The following CRHR2 variants were observed in gnomAD, a reference collection of about 807,000 sequenced individuals.
The protein encoded by CRHR2 is corticotropin releasing hormone receptor 2.
A neutral mutation model predicts 57.9 loss-of-function variants in CRHR2; 53 were observed. The observed-to-expected ratio is 0.92, with a 90% CI of 0.73 to 1.15. CRHR2 has a LOEUF of 1.15. CRHR2 is among the 50% of genes most tolerant of loss of function. CRHR2 has a pLI of 0.00. For synonymous variants in CRHR2, 213 were observed against 220.9 expected (o/e 0.96, Z 0.32); for missense variants, 532 against 542.6 (o/e 0.98, Z 0.19).
At chr7:30,688,948 G>C (rs1327217864) in intron 2 of CRHR2, 1 of 617,856 alleles carries the variant, frequency 1.6e-6, no homozygotes. Context: ...TCCATCGTGG[G>C]AGCTGGGAAT....
chr7:30,685,535 T>G (rs895302416), upstream of CRHR2, among the ~76,000 whole-genome samples: 2 of 152,154 alleles, frequency 1.3e-5, no homozygotes, highest in African/African-American at 2.4e-5. Context: ...CTGAAGGTGC[T>G]GCACTTTTGC....
At chr7:30,685,989 C>T (rs1784848245), upstream of CRHR2, among the ~76,000 whole-genome samples, 1 of 152,082 alleles carries the variant, frequency 6.6e-6, no homozygotes. Context: ...GAAAGGCCCT[C>T]CAGAACAACA....
upstream of CRHR2, among the ~76,000 whole-genome samples, chr7:30,683,545 T>C (rs1231835857): frequency 6.6e-6 from 1 of 152,174 alleles, no homozygotes; most frequent in East Asian, 1.9e-4. Flanking sequence ...AAGCAGGGCC[T>C]GGGGTAAGGC....
At chr7:30,654,830 T>G (rs1461077013) in intron 11 of CRHR2, 4 of 1,541,762 alleles carry the variant, frequency 2.6e-6, no homozygotes, top group Non-Finnish European at 2.6e-6. Context: ...TGTGGGGTGC[T>G]GGCATGTTAT....
chr7:30,679,204 T>A (rs1784617998), intron 2 of CRHR2, among the ~76,000 whole-genome samples: 1 of 152,196 alleles, frequency 6.6e-6, no homozygotes, highest in Non-Finnish European at 1.5e-5. Flanking sequence ...GAGGGCTAAG[T>A]CCTCCCTGAT....
intron 2 of CRHR2, among the ~76,000 whole-genome samples, chr7:30,678,364 A>T (rs1006626991): frequency 1.3e-5 from 2 of 152,198 alleles, no homozygotes; most frequent in African/African-American, 4.8e-5. Flanking sequence ...AAATGAGTTA[A>T]ACCACAGTAC....
intron 1 of CRHR2, chr7:30,698,027 C>G (rs995124084): frequency 3.9e-5 from 6 of 152,472 alleles, no homozygotes; most frequent in African/African-American, 1.2e-4. Flanking sequence ...TCCTTAAACA[C>G]TGGATGAATA....
At chr7:30,664,979 G>A (rs898208128) in intron 5 of CRHR2, 91 bp downstream of exon 5, 14 of 1,000,294 alleles carry the variant, frequency 1.4e-5, no homozygotes, top group South Asian at 6.5e-5. Context: ...CCTGACAAAG[G>A]AGGGGTCCAA....
chr7:30,694,426 G>A (rs559750907), intron 1 of CRHR2, among the ~76,000 whole-genome samples: 163 of 152,324 alleles, frequency 1.1e-3, no homozygotes, highest in Non-Finnish European at 1.5e-3. Context: ...ACCTGTGCCC[G>A]GGGCCCCGAC....
intron 2 of CRHR2, among the ~76,000 whole-genome samples, chr7:30,672,010 G>GA (rs1181139462): frequency 1.3e-5 from 2 of 152,184 alleles, no homozygotes; most frequent in Admixed American, 1.3e-4. Flanking sequence ...CACTACATGG[G>GA]ATCGGAACTT....
upstream of CRHR2, among the ~76,000 whole-genome samples, chr7:30,684,943 G>C (rs1042272581): frequency 3.9e-5 from 6 of 152,236 alleles, no homozygotes; most frequent in African/African-American, 9.6e-5. Flanking sequence ...GTAGATTAGA[G>C]GCTTTGGGAT....
At chr7:30,661,203 A>G (rs760196854) in intron 7 of CRHR2, among the ~76,000 whole-genome samples, 1 of 152,190 alleles carries the variant, frequency 6.6e-6, no homozygotes, top group Admixed American at 6.5e-5. Flanking sequence ...GGCATAATTC[A>G]TTCTCCGGGG....
intron 1 of CRHR2, among the ~76,000 whole-genome samples, chr7:30,691,380 T>C (rs1442189148): frequency 1.3e-5 from 2 of 152,194 alleles, no homozygotes; most frequent in African/African-American, 4.8e-5. Context: ...TAGTGCCTTC[T>C]CTCAAAGCCC....
At chr7:30,684,918 A>G (rs1475660116), upstream of CRHR2, among the ~76,000 whole-genome samples, 1 of 152,268 alleles carries the variant, frequency 6.6e-6, no homozygotes, top group Non-Finnish European at 1.5e-5. Context: ...ATTTTTGCTA[A>G]CTAAAGAAGC....
At chr7:30,700,008 C>A in exon 1 of CRHR2, 1 of 1,441,540 alleles carries the variant, frequency 6.9e-7, no homozygotes, top group Non-Finnish European at 9.1e-7. Context: ...GTAGAGGAGG[C>A]CTGGGGGCCC....
chr7:30,685,235 G>A (rs1159579787), upstream of CRHR2, among the ~76,000 whole-genome samples: 2 of 152,172 alleles, frequency 1.3e-5, no homozygotes, highest in African/African-American at 4.8e-5. Context: ...CACTTGCAAA[G>A]CCTAATACAT....
chr7:30,683,005 G>T (rs539731924), upstream of CRHR2, among the ~76,000 whole-genome samples: 24 of 152,310 alleles, frequency 1.6e-4, no homozygotes, highest in Admixed American at 3.3e-4. Context: ...GGCCTGAGTG[G>T]GTTGAAGTCC....
At chr7:30,680,062 A>G (rs1313064330) in intron 2 of CRHR2, among the ~76,000 whole-genome samples, 2 of 152,212 alleles carry the variant, frequency 1.3e-5, no homozygotes, top group African/African-American at 4.8e-5. Flanking sequence ...CCAACCTTTT[A>G]TCAGCTTCTC....
At chr7:30,676,895 C>T (rs754645704) in intron 2 of CRHR2, among the ~76,000 whole-genome samples, 1 of 152,336 alleles carries the variant, frequency 6.6e-6, no homozygotes. Context: ...ATGGGATGCC[C>T]CTTCTTCCCC....
Sources: gnomAD v4.1 joint callset for allele counts (sites outside exome capture counted in the v4.1 genomes callset) on GRCh38, gnomAD v4.1.1 for gene constraint, MANE v1.5 for transcripts, NCBI Gene and HGNC (gene_info 2026-07-23, HGNC 2026-07-21) for gene names.